The following REDIC1 variants were observed in gnomAD, a reference collection of about 807,000 sequenced individuals.
REDIC1 encodes HEI10 Interacting Protein 1.
the REDIC1 span, chr12:39,760,212 G>C: frequency 6.2e-7 from 1 of 1,612,628 alleles, no homozygotes; most frequent in Non-Finnish European, 8.5e-7. Context: ...AGATGAAAAG[G>C]AGTCCCACAG....
chr12:39,701,013 A>G, the REDIC1 span, among the ~76,000 whole-genome samples: 2 of 152,118 alleles, frequency 1.3e-5, no homozygotes, highest in Non-Finnish European at 2.9e-5. Flanking sequence ...CGAGACTAGG[A>G]AGAAACTGCA....
chr12:39,769,744 T>TA, the REDIC1 span, among the ~76,000 whole-genome samples: 1 of 151,918 alleles, frequency 6.6e-6, no homozygotes, highest in Non-Finnish European at 1.5e-5. Context: ...AGATCTCTCT[T>TA]ACTCAAATGT....
chr12:39,731,719 G>A, the REDIC1 span, among the ~76,000 whole-genome samples: 29 of 152,278 alleles, frequency 1.9e-4, 1 homozygote, highest in East Asian at 2.7e-3. Context: ...CCATCAGGCA[G>A]GAACATTTAA....
At chr12:39,672,723 T>C in the REDIC1 span, among the ~76,000 whole-genome samples, 1 of 152,156 alleles carries the variant, frequency 6.6e-6, no homozygotes. Flanking sequence ...GGGGCTCTGC[T>C]GATCCACAGG....
chr12:39,866,941 T>TA, the REDIC1 span, among the ~76,000 whole-genome samples: 1 of 152,146 alleles, frequency 6.6e-6, no homozygotes, highest in Middle Eastern at 3.2e-3. Context: ...ACCAGGCCAA[T>TA]AATGCGATAA....
chr12:39,731,699 G>C, the REDIC1 span, among the ~76,000 whole-genome samples: 2 of 152,298 alleles, frequency 1.3e-5, no homozygotes, highest in Admixed American at 6.5e-5. Flanking sequence ...ATTTGTTGCT[G>C]TCTTCAGAGC....
At chr12:39,848,960 G>A in the REDIC1 span, among the ~76,000 whole-genome samples, 2 of 152,108 alleles carry the variant, frequency 1.3e-5, no homozygotes, top group Non-Finnish European at 2.9e-5. Flanking sequence ...TTATAAGTGG[G>A]AGCTAAATGA....
chr12:39,899,352 C>G, the REDIC1 span, among the ~76,000 whole-genome samples: 1 of 152,090 alleles, frequency 6.6e-6, no homozygotes, highest in African/African-American at 2.4e-5. Context: ...TTTATTGCAT[C>G]TATTTGATTC....
the REDIC1 span, among the ~76,000 whole-genome samples, chr12:39,666,967 A>G: frequency 1.3e-5 from 2 of 151,304 alleles, no homozygotes; most frequent in Non-Finnish European, 2.9e-5. Flanking sequence ...TTTCTTCTTT[A>G]TTAGTCTTGC....
the REDIC1 span, among the ~76,000 whole-genome samples, chr12:39,666,529 T>G: frequency 6.6e-6 from 1 of 152,208 alleles, no homozygotes; most frequent in Non-Finnish European, 1.5e-5. Context: ...AAAGTTCTCT[T>G]TTTTTGTTGT....
the REDIC1 span, among the ~76,000 whole-genome samples, chr12:39,696,717 A>T: frequency 6.6e-6 from 1 of 152,098 alleles, no homozygotes; most frequent in Non-Finnish European, 1.5e-5. Context: ...GACAAATTTA[A>T]CAAAGAGATT....
the REDIC1 span, among the ~76,000 whole-genome samples, chr12:39,878,326 C>G: frequency 5.3e-5 from 8 of 152,112 alleles, no homozygotes; most frequent in Non-Finnish European, 8.8e-5. Flanking sequence ...GCTCAGAAGA[C>G]AGGAAGATCA....
chr12:39,886,725 C>T, the REDIC1 span, among the ~76,000 whole-genome samples: 1 of 152,010 alleles, frequency 6.6e-6, no homozygotes, highest in Admixed American at 6.6e-5. Context: ...AAATTTAAAG[C>T]TACTTCATAA....
At chr12:39,713,839 G>T in the REDIC1 span, among the ~76,000 whole-genome samples, 77,741 of 138,642 alleles carry the variant, frequency 0.56, 21,360 homozygotes, top group Non-Finnish European at 0.64. Flanking sequence ...GTATATACAC[G>T]TATATATATG....
chr12:39,879,369 G>A, the REDIC1 span, among the ~76,000 whole-genome samples: 8,887 of 152,202 alleles, frequency 0.058, 850 homozygotes, highest in African/African-American at 0.2. Flanking sequence ...TGCACCCTGC[G>A]TCTGGAAAAG....
chr12:39,683,398 T>C, the REDIC1 span: 3 of 1,540,268 alleles, frequency 1.9e-6, no homozygotes, highest in Admixed American at 5.1e-5. Context: ...ACTCGGTGCA[T>C]ACTTTTATTT....
the REDIC1 span, among the ~76,000 whole-genome samples, chr12:39,669,571 C>T: frequency 6.6e-6 from 1 of 152,224 alleles, no homozygotes; most frequent in South Asian, 2.1e-4. Flanking sequence ...CTACTACTCT[C>T]TTCAAAGCTG....
the REDIC1 span, among the ~76,000 whole-genome samples, chr12:39,867,096 T>C: frequency 6.6e-6 from 1 of 152,202 alleles, no homozygotes; most frequent in East Asian, 1.9e-4. Flanking sequence ...GTTATGAAGA[T>C]CATACCTCTC....
the REDIC1 span, among the ~76,000 whole-genome samples, chr12:39,900,175 T>C: frequency 6.6e-6 from 1 of 152,140 alleles, no homozygotes; most frequent in Non-Finnish European, 1.5e-5. Flanking sequence ...AAATTAGGTA[T>C]TGATGGGACG....
Sources: gnomAD v4.1 joint callset for allele counts (sites outside exome capture counted in the v4.1 genomes callset) on GRCh38, gnomAD v4.1.1 for gene constraint, MANE v1.5 for transcripts, NCBI Gene and HGNC (gene_info 2026-07-23, HGNC 2026-07-21) for gene names.